The following DOP1A variants were observed in gnomAD, a reference collection of about 807,000 sequenced individuals.
DOP1A encodes DOP1 leucine zipper like protein A, also known as protein DOP1A.
DOP1A carries 90 observed loss-of-function variants against 267.6 expected under a neutral mutation model. The ratio of observed to expected loss-of-function variants is 0.34; its 90% CI spans 0.28 to 0.40. The LOEUF (loss-of-function observed/expected upper bound fraction) is 0.40, where lower values mean the gene tolerates loss of function less well. DOP1A is among the 10% of genes least tolerant of loss of function. DOP1A has a pLI of 1.00. For synonymous variants in DOP1A, 932 were observed against 999.1 expected (o/e 0.93, Z 1.27); for missense variants, 2,437 against 2,900.4 (o/e 0.84, Z 3.67).
In DOP1A at chr6:83,130,001, T is replaced by C. The variant is rs1370318838; in HGVS notation, c.2342-122T>C. The C allele has an allele frequency of 4.1e-6, 5 of 1,208,966 alleles. No individual in the cohort carries two copies. The Admixed American group carries it at 1.4e-4, about 33-fold the overall frequency. 74.9% of individuals were successfully genotyped at this position (1,208,966 alleles called of 1,614,324 possible). On this transcript the variant is annotated intron_variant, in intron 16 of 38. Coordinates refer to ENST00000349129, the MANE Select transcript of DOP1A (RefSeq NM_015018.4). The stretch of plus-strand genomic sequence containing the variant: ...AAGCTCTAGACTAGGTGAGAAACCA[T>C]GGTTTTGTTAACAGATCAAGGCCTT...
At position 83,077,116 on chromosome 6, in the gene DOP1A, G is replaced by A. The variant is rs182583173; in HGVS notation, c.-147+9337G>A. 9.7e-4 allele frequency among the ~76,000 whole-genome samples: 148 copies of A among 152,356 alleles called. 3 individuals carry two copies. The highest frequency in any genetic ancestry group is 1.1e-3 in the Non-Finnish European group (77 of 68,038). On this transcript the variant is annotated intron_variant, in intron 1 of 38. Transcript: ENST00000349129. ...AGAATTGTTGTTTAATGGGTATAGA[G>A]TTGCAGTTTGCAAGATGAAAAGTTC... is the stretch of plus-strand genomic sequence containing the variant.
intron 17 of DOP1A, 111 bp downstream of exon 17, chr6:83,130,508 C>T: frequency 3.8e-6 from 5 of 1,323,742 alleles, no homozygotes; most frequent in African/African-American, 1.5e-5. Context: ...TTCATTTAAA[C>T]ACCTCTTAAT....
intron 25 of DOP1A, among the ~76,000 whole-genome samples, chr6:83,146,636 C>A (rs1399401895): frequency 6.6e-6 from 1 of 152,102 alleles, no homozygotes; most frequent in East Asian, 1.9e-4. Flanking sequence ...GGACAGGAAA[C>A]CTTCAAGGAA....
At chr6:83,133,529 T>TA (rs1405738120) in intron 18 of DOP1A, among the ~76,000 whole-genome samples, 1 of 152,086 alleles carries the variant, frequency 6.6e-6, no homozygotes, top group Non-Finnish European at 1.5e-5. Flanking sequence ...AGAAAGACTT[T>TA]AAAAATTTTG....
Position 83,130,367 on chromosome 6 carries a change from G to T in DOP1A, c.2586G>T (p.Arg862Ser). The change falls in exon 17 of 39, where the codon AGG becomes AGT. Residue 862 changes from arginine to serine, a missense_variant. By Grantham distance (110) the Arg-to-Ser change is moderately radical (BLOSUM62 -1). Transcript: ENST00000349129. ...CTCCCCTCACTCAGGGCAATCTGAG[G>T]TACATAGCTGAGAAGACTGAATTTT... Reference protein sequence around the residue: ...IRPPLTQGNLRYIAEKTEFFK... With the variant: ...IRPPLTQGNLSYIAEKTEFFK... 1 of 1,613,728 alleles carries T rather than the reference G, an allele frequency of 6.2e-7. No homozygotes were observed. The highest frequency in any genetic ancestry group is 8.5e-7 in the Non-Finnish European group (1 of 1,179,874).
intron 12 of DOP1A, among the ~76,000 whole-genome samples, chr6:83,124,291 C>A (rs1776790537): frequency 6.6e-6 from 1 of 152,012 alleles, no homozygotes; most frequent in African/African-American, 2.4e-5. Flanking sequence ...CTTTGAAGGA[C>A]AGATGCATTC....
chr6:83,089,592 A>C (rs1769960162), intron 1 of DOP1A, among the ~76,000 whole-genome samples: 1 of 152,226 alleles, frequency 6.6e-6, no homozygotes, highest in Non-Finnish European at 1.5e-5. Flanking sequence ...ACTACGATTA[A>C]CAGCCCCTAG....
chr6:83,158,416 AG>A (rs965345270), intron 35 of DOP1A, 150 bp from the exon 36 acceptor site: 26 of 660,568 alleles, frequency 3.9e-5, no homozygotes, highest in Middle Eastern at 4.2e-4. Flanking sequence ...CTAAATTTGC[AG>A]TTTTACCTTC....
chr6:83,126,869 C>T (rs1340816681), intron 15 of DOP1A, among the ~76,000 whole-genome samples: 4 of 152,050 alleles, frequency 2.6e-5, no homozygotes, highest in Non-Finnish European at 5.9e-5. Context: ...TATTATTGCC[C>T]AAATCAGTCT....
rs1778176804 is a variant in DOP1A at position 83,132,307 on chromosome 6, G to A, written c.2748G>A (p.Gln916=). 1.2e-6 allele frequency: 2 copies of A among 1,610,768 alleles called. No homozygotes were observed. Among genetic ancestry groups the A allele is most frequent in the East Asian group, 2.2e-5 (1 of 44,784 alleles). The change falls in exon 18 of 39, where the codon CAG becomes CAA. Residue 916 remains glutamine, a synonymous_variant. Coordinates refer to ENST00000349129, the MANE Select transcript of DOP1A (RefSeq NM_015018.4). ...GCATCTGTGAGGATGTTATAAGTCA[G>A]CAGTTAACCCATAAAGATAAGGTAA... ...SSSICEDVIS[Q]QLTHKDKKIR...
chr6:83,153,679 C>A, intron 31 of DOP1A, 59 bp downstream of exon 31: 1 of 1,367,346 alleles, frequency 7.3e-7, no homozygotes. Context: ...GAAACAAGTT[C>A]TGTTCCCTTA....
rs750361877 is a variant in DOP1A, at chr6:83,142,066, G to A, written c.5541+20G>A. ...ACCAAGGTATGTATTTAGACATTTG[G>A]CACTTTTTGTTTTTGCATTTGGTGA... On this transcript the variant is annotated intron_variant, in intron 24 of 38. Coordinates refer to ENST00000349129, the MANE Select transcript of DOP1A (RefSeq NM_015018.4). 1.1e-5 allele frequency: 18 copies of A among 1,605,936 alleles called. No individual in the cohort carries two copies. Among genetic ancestry groups the A allele is most frequent in the Non-Finnish European group, 1.5e-5 (18 of 1,177,554 alleles).
intron 12 of DOP1A, among the ~76,000 whole-genome samples, chr6:83,123,620 A>G (rs1013038544): frequency 2.6e-5 from 4 of 152,054 alleles, no homozygotes; most frequent in Admixed American, 2.6e-4. Context: ...TTGCTCCTAC[A>G]CATTAATCTC....
intron 18 of DOP1A, 85 bp from the exon 19 acceptor site, chr6:83,134,102 C>T (rs1778507509): frequency 1.9e-5 from 21 of 1,096,644 alleles, no homozygotes; most frequent in Non-Finnish European, 1.3e-6. Context: ...TAATACAGTA[C>T]TCCTAAATAG....
intron 25 of DOP1A, 78 bp downstream of exon 25, chr6:83,145,736 T>A: frequency 7.0e-7 from 1 of 1,428,342 alleles, no homozygotes; most frequent in South Asian, 1.3e-5. Flanking sequence ...TTTTGTACAA[T>A]AATGTCCTTT....
chr6:83,129,040 G>C lies in DOP1A; in HGVS notation c.1873G>C (p.Gly625Arg), dbSNP rs1258655123. The change falls in exon 16 of 39, where the codon GGG becomes CGG. Residue 625 changes from glycine (G) to arginine (R), a missense_variant. Gly to Arg is a moderately radical substitution (Grantham distance 125). Transcript: ENST00000349129. ...TGACAGAGAACTGAGTGAGGGCCAG[G>C]GGGCAGCTGCCATCCCAATTGGTAG... The part of the protein sequence containing the change: ...DIDRELSEGQ[G>R]AAAIPIGSTS... The C allele has an allele frequency of 1.9e-6, 3 of 1,613,814 alleles. No individual in the cohort carries two copies. The African/African-American group carries it at 4.0e-5, about 22-fold the overall frequency.
chr6:83,099,680 ATGTGTGTGTG>A (rs373165064), intron 3 of DOP1A, among the ~76,000 whole-genome samples: 9 of 138,992 alleles, frequency 6.5e-5, no homozygotes, highest in South Asian at 2.4e-4. Flanking sequence ...AGGATTGCAT[ATGTGTGTGTG>A]TGTGTGTGTG....
chr6:83,132,863 G>A (rs1002191003), intron 18 of DOP1A, among the ~76,000 whole-genome samples: 1 of 152,108 alleles, frequency 6.6e-6, no homozygotes, highest in Non-Finnish European at 1.5e-5. Context: ...ATTAGCCTGA[G>A]AAGAAGCTGG....
At chr6:83,166,220 G>A (rs1037372885) in intron 38 of DOP1A, 30 of 502,088 alleles carry the variant, frequency 6.0e-5, no homozygotes, top group African/African-American at 9.7e-5. Flanking sequence ...TTCAAATGCC[G>A]AACGACCATA....
Sources: allele counts gnomAD v4.1 joint callset (sites outside exome capture counted in the v4.1 genomes callset), GRCh38; gene constraint gnomAD v4.1.1; transcripts MANE v1.5; gene names NCBI Gene and HGNC (gene_info 2026-07-23, HGNC 2026-07-21).